Variants in SAMD12 observed in about 807,000 individuals in gnomAD.
The protein encoded by SAMD12 is sterile alpha motif domain-containing protein 12.
SAMD12 carries 9 observed loss-of-function variants against 15.0 expected under a neutral mutation model. The ratio of observed to expected loss-of-function variants is 0.60; its 90% CI spans 0.36 to 1.05. The LOEUF is 1.05. Among genes scored for constraint, SAMD12 ranks in the 50% least tolerant of loss-of-function variants. The pLI is 0.01. For synonymous variants in SAMD12, 86 were observed against 90.1 expected, an observed-to-expected ratio of 0.96 and a Z score of 0.25; for missense variants, 230 against 234.2, an observed-to-expected ratio of 0.98 and a Z score of 0.12.
intron 2 of SAMD12, among the ~76,000 whole-genome samples, chr8:118,509,895 C>T (rs376962465): frequency 1.3e-4 from 20 of 152,004 alleles, no homozygotes; most frequent in African/African-American, 3.9e-4. Flanking sequence ...TAATTGTTAA[C>T]GTACAACAGA....
intron 2 of SAMD12, among the ~76,000 whole-genome samples, chr8:118,485,131 G>C (rs1470790346): frequency 6.6e-6 from 1 of 152,046 alleles, no homozygotes; most frequent in East Asian, 1.9e-4. Context: ...ATTATACATT[G>C]GTTATCCTAT....
At chr8:118,434,339 G>A (rs1449113830) in intron 3 of SAMD12, among the ~76,000 whole-genome samples, 1 of 152,204 alleles carries the variant, frequency 6.6e-6, no homozygotes, top group African/African-American at 2.4e-5. Context: ...ACAACTATTT[G>A]TTCTTGTAGA....
chr8:118,550,613 A>G lies in SAMD12; in HGVS notation c.192+30102T>C, dbSNP rs62531921. Among the ~76,000 whole-genome samples the G allele has an allele frequency of 5.3e-5, 8 of 152,148 alleles. No individual in the cohort carries two copies. In the South Asian group the frequency reaches 8.3e-4, roughly 16 times the overall value. ...AGACCATCAAGACTAGGAAGAAACT[A>G]CATCAACTAACGAGCAAAATAACCA... On this transcript the variant is annotated intron_variant, in intron 2 of 3. Coordinates refer to ENST00000314727, the MANE Select transcript of SAMD12 (RefSeq NM_207506.3).
intron 2 of SAMD12, among the ~76,000 whole-genome samples, chr8:118,483,701 T>G (rs1215033527): frequency 6.6e-6 from 1 of 152,200 alleles, no homozygotes; most frequent in African/African-American, 2.4e-5. Context: ...ACAATTATAA[T>G]AGACAGTAGT....
intron 2 of SAMD12, among the ~76,000 whole-genome samples, chr8:118,492,261 C>A (rs944523480): frequency 2.0e-5 from 3 of 151,090 alleles, no homozygotes; most frequent in East Asian, 1.9e-4. Flanking sequence ...TCAATACTTT[C>A]GTTTTAGAAG....
chr8:118,368,336 A>G (rs1011048015), intron 4 of SAMD12, among the ~76,000 whole-genome samples: 1 of 152,218 alleles, frequency 6.6e-6, no homozygotes, highest in African/African-American at 2.4e-5. Flanking sequence ...TAATCTGTTC[A>G]GATTCCTATT....
the SAMD12 span, among the ~76,000 whole-genome samples, chr8:118,163,811 C>T: frequency 1.3e-5 from 2 of 152,060 alleles, no homozygotes; most frequent in African/African-American, 2.4e-5. Context: ...GGAGGCAGAG[C>T]TTGCAGTGAG....
intron 4 of SAMD12, among the ~76,000 whole-genome samples, chr8:118,204,220 A>AT (rs1388063157): frequency 6.6e-6 from 1 of 150,944 alleles, no homozygotes. Flanking sequence ...TAATTAATTA[A>AT]TATGTATGGG....
chr8:118,217,961 A>G (rs1159554046), intron 4 of SAMD12, among the ~76,000 whole-genome samples: 1 of 152,150 alleles, frequency 6.6e-6, no homozygotes, highest in East Asian at 1.9e-4. Flanking sequence ...CAAATTCTCC[A>G]TGGTGCCTCA....
At chr8:118,573,909 T>C (rs1314429937) in intron 2 of SAMD12, among the ~76,000 whole-genome samples, 1 of 152,204 alleles carries the variant, frequency 6.6e-6, no homozygotes, top group African/African-American at 2.4e-5. Flanking sequence ...ATTGCAGCAG[T>C]GAACAAGACA....
chr8:118,560,350 T>C (rs1826668050), intron 2 of SAMD12, among the ~76,000 whole-genome samples: 1 of 152,198 alleles, frequency 6.6e-6, no homozygotes, highest in Non-Finnish European at 1.5e-5. Context: ...TATGGTATGA[T>C]ATAGTTCACT....
At chr8:118,323,164 AC>A (rs1178685910) in intron 4 of SAMD12, among the ~76,000 whole-genome samples, 1 of 152,208 alleles carries the variant, frequency 6.6e-6, no homozygotes, top group Non-Finnish European at 1.5e-5. Flanking sequence ...TCACCCACTG[AC>A]CTGCAGCCTT....
chr8:118,211,123 C>T (rs1268786032), intron 4 of SAMD12, among the ~76,000 whole-genome samples: 1 of 152,196 alleles, frequency 6.6e-6, no homozygotes, highest in Non-Finnish European at 1.5e-5. Flanking sequence ...GCTCTCCTTG[C>T]TGTTTACAGA....
intron 2 of SAMD12, among the ~76,000 whole-genome samples, chr8:118,527,523 T>A (rs1356968517): frequency 6.6e-6 from 1 of 152,204 alleles, no homozygotes; most frequent in East Asian, 1.9e-4. Flanking sequence ...TAAAATTGTA[T>A]TTTTTCCTAC....
chr8:118,263,541 C>T lies in SAMD12; in HGVS notation c.434-65809G>A, dbSNP rs530664198. Reference sequence around the variant, plus strand: ...ATTAGTGAGTCAATATCTACATTTACAGGCTGGCTTTTTACTCACACTGCT... The same window carrying T: ...ATTAGTGAGTCAATATCTACATTTATAGGCTGGCTTTTTACTCACACTGCT... On this transcript the variant is annotated intron_variant, in intron 4 of 4. Transcript: ENST00000409003. 2.6e-5 allele frequency among the ~76,000 whole-genome samples: 4 copies of T among 152,148 alleles called. No homozygotes were observed. In the South Asian group the frequency reaches 8.3e-4, roughly 32 times the overall value.
chr8:118,511,452 G>GT (rs142995747), intron 2 of SAMD12, among the ~76,000 whole-genome samples: 11,887 of 131,744 alleles, frequency 0.09, 574 homozygotes, highest in South Asian at 0.25. Context: ...TTTTGTTTTT[G>GT]TTTTTTTTTT....
At chr8:118,148,347 G>A in the SAMD12 span, among the ~76,000 whole-genome samples, 1 of 152,062 alleles carries the variant, frequency 6.6e-6, no homozygotes, top group African/African-American at 2.4e-5. Context: ...AATTACAAAT[G>A]ATCTAGAGGG....
intron 3 of SAMD12, among the ~76,000 whole-genome samples, chr8:118,398,563 GGAAA>G (rs754402169): frequency 9.9e-5 from 15 of 152,040 alleles, no homozygotes; most frequent in Admixed American, 8.5e-4. Flanking sequence ...GAGAACTTTT[GGAAA>G]GAAAGAGAAT....
At chr8:118,357,006 T>C (rs1199964373) in intron 4 of SAMD12, among the ~76,000 whole-genome samples, 1 of 152,222 alleles carries the variant, frequency 6.6e-6, no homozygotes, top group Non-Finnish European at 1.5e-5. Flanking sequence ...AAAATTGGAC[T>C]ATCTGACCTC....
Sources: allele counts gnomAD v4.1 joint callset (sites outside exome capture counted in the v4.1 genomes callset), GRCh38; gene constraint gnomAD v4.1.1; transcripts MANE v1.5; gene names NCBI Gene and HGNC (gene_info 2026-07-23, HGNC 2026-07-21).